Variants in TCF3 observed in about 807,000 individuals in gnomAD.
TCF3 encodes the protein transcription factor 3.
Under a neutral mutation model 72.3 loss-of-function variants are expected in TCF3, and 54 were observed. The ratio of observed to expected loss-of-function variants is 0.75; its 90% CI spans 0.60 to 0.94. TCF3 has a LOEUF of 0.94. Among genes scored for constraint, TCF3 ranks in the 40% least tolerant of loss-of-function variants. The pLI, the probability that TCF3 is intolerant of heterozygous loss-of-function variation, is 0.00. For missense variants in TCF3, 1,078 were observed against 934.4 expected (o/e 1.15, Z -2.00); for synonymous variants, 525 against 412.6 (o/e 1.27, Z -3.30).
chr19:1,631,415 T>C (rs1374863208), intron 5 of TCF3, among the ~76,000 whole-genome samples: 4 of 151,964 alleles, frequency 2.6e-5, no homozygotes, highest in Admixed American at 2.6e-4. Context: ...ACTATAAGCA[T>C]CCAACACCAT....
Position 1,622,372 on chromosome 19 carries a change from G to T in TCF3, c.593C>A (p.Thr198Asn). 6.6e-7 allele frequency: 1 copy of T among 1,524,550 alleles called. No individual in the cohort carries two copies. The highest frequency in any genetic ancestry group is 8.8e-7 in the Non-Finnish European group (1 of 1,137,506). The allele number at this position is 1,524,550 out of a possible 1,614,324, so 94.4% of individuals were successfully genotyped here. A position where few individuals can be genotyped will look rare whatever the true frequency, so the allele number is the denominator to read the frequency against. The part of the protein sequence containing the change: ...SSGEDYGRDA[T>N]AYPSAKTPSS... ...GGGGGTCTTGGCGGACGGGTAGGCG[G>T]TGGCATCCCTGCCGTAGTCCTCACC... is the stretch of plus-strand genomic sequence containing the variant. The change falls in exon 9 of 19, where the codon ACC (threonine) becomes AAC (asparagine). Residue 198 changes from threonine to asparagine, a missense_variant. Physicochemically the swap from Thr to Asn is moderately conservative, Grantham distance 65 (BLOSUM62 0). Transcript: ENST00000262965.
chr19:1,637,532 C>T (rs1379095689), intron 3 of TCF3, among the ~76,000 whole-genome samples: 1 of 152,174 alleles, frequency 6.6e-6, no homozygotes, highest in African/African-American at 2.4e-5. Context: ...AGACCCCATC[C>T]CGCTCTTGCT....
intron 18 of TCF3, chr19:1,612,566 TGTTGGTGGGCACAGCAGTGTGGGCA>T (rs2061117863): frequency 4.8e-6 from 4 of 831,872 alleles, no homozygotes; most frequent in East Asian, 5.2e-5. Context: ...ACACGGCTGG[TGTTGGTGGGCACAGCAGTGTGGGCA>T]GCAGTGCAGG....
chr19:1,637,709 A>G (rs1302998410), intron 3 of TCF3, among the ~76,000 whole-genome samples: 4 of 152,210 alleles, frequency 2.6e-5, no homozygotes, highest in Non-Finnish European at 5.9e-5. Flanking sequence ...AGAAATCAAG[A>G]CCATGCTGGC....
chr19:1,615,876 ATC>A lies in TCF3; in HGVS notation c.1451-57_1451-56del. 2 of 1,493,506 alleles carry A rather than the reference ATC, an allele frequency of 1.3e-6. No individual in the cohort carries two copies. The highest frequency in any genetic ancestry group is 1.8e-6 in the Non-Finnish European group (2 of 1,123,388). The allele number at this position is 1,493,506 out of a possible 1,614,324, so 92.5% of individuals were successfully genotyped here. On this transcript the variant is annotated intron_variant, in intron 16 of 18. Coordinates refer to ENST00000262965, the MANE Select transcript of TCF3 (RefSeq NM_003200.5). The surrounding 1 kb of genome is among the most constrained non-coding windows in gnomAD (Gnocchi z 7.3). The stretch of plus-strand genomic sequence containing the variant: ...GTCGGCCTCCAGGGCCAACTGACAT[ATC>A]TCTTTGTGCTCCTGTGGTGAGGGAC...
Position 1,625,637 on chromosome 19 carries a change from G to A in TCF3, c.438C>T (p.Thr146=), listed in dbSNP as rs1324986907. 2.6e-6 allele frequency: 4 copies of A among 1,556,422 alleles called. No homozygotes were observed. The highest frequency in any genetic ancestry group is 8.6e-7 in the Non-Finnish European group (1 of 1,156,130). Residue 146 remains threonine (T), a synonymous_variant, in exon 7 of 19, where the codon ACC becomes ACT. Coordinates refer to ENST00000262965, the MANE Select transcript of TCF3 (RefSeq NM_003200.5). ...GPLSPSGMKG[T]SQYYPSYSGS... ...CGGAGTAGGAGGGGTAGTACTGGGAGGTCCCCTTCATGCCCGAAGGGGACA... is the reference window on the plus strand; with the variant it reads ...CGGAGTAGGAGGGGTAGTACTGGGAAGTCCCCTTCATGCCCGAAGGGGACA...
At chr19:1,645,207 A>T (rs760829931) in intron 3 of TCF3, among the ~76,000 whole-genome samples, 2 of 152,074 alleles carry the variant, frequency 1.3e-5, no homozygotes, top group African/African-American at 4.8e-5. Flanking sequence ...AGATAACTGC[A>T]GGACGGCGCT....
chr19:1,624,025 A>G (rs2062580194), intron 7 of TCF3, 25 bp from the exon 8 acceptor site: 1 of 1,611,164 alleles, frequency 6.2e-7, no homozygotes, highest in Admixed American at 1.7e-5. Flanking sequence ...AGGGGTGAGA[A>G]CCGGCCACCG....
intron 2 of TCF3, among the ~76,000 whole-genome samples, chr19:1,649,545 G>A (rs1204817764): frequency 1.3e-5 from 2 of 152,134 alleles, no homozygotes; most frequent in Non-Finnish European, 2.9e-5. Flanking sequence ...CAAGTAGCTG[G>A]GACCACAGGC....
chr19:1,615,768 TCTC>T lies in TCF3; in HGVS notation c.1501_1503del (p.Glu501del). The T allele has an allele frequency of 6.2e-7, 1 of 1,600,530 alleles. No individual in the cohort carries two copies. Among genetic ancestry groups the T allele is most frequent in the East Asian group, 2.2e-5 (1 of 44,590 alleles). On this transcript the variant is annotated inframe_deletion, in exon 17 of 19. Transcript: ENST00000262965. This position sits in a 1 kb window ranked among gnomAD's most constrained non-coding sequence, Gnocchi z 7.3. ...GCTGACGTGTTCTCCTCGTCCTCCT[TCTC>T]CTCCCGCTTGATCTCGCTGGCGGCC...
chr19:1,638,584 G>A (rs530735451), intron 3 of TCF3, among the ~76,000 whole-genome samples: 4 of 152,154 alleles, frequency 2.6e-5, no homozygotes, highest in Non-Finnish European at 5.9e-5. Flanking sequence ...ATACCAGCAG[G>A]GAAGAGAAAT....
chr19:1,623,117 C>A (rs2062448933), intron 8 of TCF3, among the ~76,000 whole-genome samples: 1 of 152,138 alleles, frequency 6.6e-6, no homozygotes. Context: ...AACCCCGAAC[C>A]CAGGCCTGTG....
intron 16 of TCF3, among the ~76,000 whole-genome samples, chr19:1,618,209 T>A (rs1400733061): frequency 1.3e-5 from 2 of 152,080 alleles, no homozygotes; most frequent in Admixed American, 6.5e-5. Context: ...AGAGCCACCC[T>A]GCCTTCTCTC....
chr19:1,626,852 C>T (rs567029557), intron 6 of TCF3, among the ~76,000 whole-genome samples: 48 of 152,266 alleles, frequency 3.2e-4, no homozygotes, highest in African/African-American at 9.9e-4. Context: ...CGAGCCCCAC[C>T]GAGAGCTAGG....
intron 16 of TCF3, 31 bp downstream of exon 16, chr19:1,619,080 G>C (rs768721499): frequency 6.3e-7 from 1 of 1,598,830 alleles, no homozygotes; most frequent in South Asian, 1.1e-5. Flanking sequence ...CTGGAACCAG[G>C]AGTCGGACAG....
In TCF3 at chr19:1,621,122, C is replaced by T; in HGVS notation, c.1014+11G>A. On this transcript the variant is annotated intron_variant, in intron 12 of 18. Coordinates refer to ENST00000262965, the MANE Select transcript of TCF3 (RefSeq NM_003200.5). ...CACTTGCCTGGCCACCCCCCATGCC[C>T]CACGCCTCACCGAGGCCAGTGCTTT... 1 of 1,538,842 alleles carries T rather than the reference C, an allele frequency of 6.5e-7. No individual in the cohort carries two copies.
intron 1 of TCF3, chr19:1,650,553 C>G: frequency 2.8e-6 from 1 of 362,864 alleles, no homozygotes; most frequent in Non-Finnish European, 5.0e-6. Flanking sequence ...AATATAAACT[C>G]CCTAACTCCC....
chr19:1,650,418 A>AGAGCCCTGGGGGCACGGG, intron 1 of TCF3, 131 bp from the exon 2 acceptor site: 2 of 665,650 alleles, frequency 3.0e-6, no homozygotes, highest in South Asian at 3.9e-5. Flanking sequence ...GAGTTCCAGC[A>AGAGCCCTGGGGGCACGGG]GAGCCCTGGG....
At chr19:1,625,473 G>T in intron 7 of TCF3, 103 bp downstream of exon 7, 1 of 1,358,612 alleles carries the variant, frequency 7.4e-7, no homozygotes. Flanking sequence ...TGGAAGGTGC[G>T]GGGTCTGCTC....
Sources: gnomAD v4.1 joint callset for allele counts (sites outside exome capture counted in the v4.1 genomes callset) on GRCh38, gnomAD v4.1.1 for gene constraint, Gnocchi (gnomAD v3.1) non-coding constraint, MANE v1.5 for transcripts, NCBI Gene and HGNC (gene_info 2026-07-23, HGNC 2026-07-21) for gene names.